USH2A: variants seen among roughly 807,000 people sequenced by gnomAD.
USH2A encodes the protein Usher syndrome 2A (autosomal recessive, mild).
A neutral mutation model predicts 538.9 loss-of-function variants in USH2A; 443 were observed. The ratio of observed to expected loss-of-function variants is 0.82; its 90% CI spans 0.76 to 0.89. The LOEUF is 0.89. USH2A is among the 40% of genes least tolerant of loss of function. The probability of loss-of-function intolerance (pLI) is 0.00; values close to 1 mark genes in which losing one functional copy is unlikely to be tolerated. For missense variants in USH2A, 6,633 were observed against 6,324.8 expected (o/e 1.05, Z -1.65); for synonymous variants, 2,413 against 2,273.5 (o/e 1.06, Z -1.75).
At chr1:215,959,672 A>G (rs1327715398) in intron 37 of USH2A, among the ~76,000 whole-genome samples, 1 of 152,010 alleles carries the variant, frequency 6.6e-6, no homozygotes, top group Non-Finnish European at 1.5e-5. Flanking sequence ...CCCCACAGTA[A>G]TCCATATCTC....
chr1:216,201,011 CCCTTCCTT>C (rs1246221491), intron 16 of USH2A, among the ~76,000 whole-genome samples: 599 of 38,952 alleles, frequency 0.015, 15 homozygotes, highest in Middle Eastern at 0.038. Context: ...CTCCCTCCCT[CCCTTCCTT>C]CCTTCCTTCC....
chr1:215,825,054 A>G (rs1663117303), intron 47 of USH2A, among the ~76,000 whole-genome samples: 1 of 152,048 alleles, frequency 6.6e-6, no homozygotes, highest in South Asian at 2.1e-4. Flanking sequence ...TCATTTTGGA[A>G]CTGGAAGTTC....
At chr1:216,339,729 C>A (rs187304311) in intron 4 of USH2A, among the ~76,000 whole-genome samples, 23 of 151,880 alleles carry the variant, frequency 1.5e-4, no homozygotes, top group African/African-American at 1.7e-4. Flanking sequence ...TACTCCTGAA[C>A]GACTCCTGGG....
chr1:216,028,436 A>G (rs1669019738), intron 32 of USH2A, among the ~76,000 whole-genome samples: 1 of 152,072 alleles, frequency 6.6e-6, no homozygotes, highest in African/African-American at 2.4e-5. Context: ...ATATTCACAG[A>G]AGCTGGAATA....
intron 58 of USH2A, among the ~76,000 whole-genome samples, chr1:215,745,492 C>T (rs556577844): frequency 4.6e-5 from 7 of 152,296 alleles, no homozygotes; most frequent in African/African-American, 1.7e-4. Context: ...ACTAGAATGT[C>T]AACCGTATAA....
rs184627222 is a variant in USH2A, at chr1:216,046,260, T to C, written c.6325+171A>G. Among the ~76,000 whole-genome samples the C allele has an allele frequency of 5.3e-5, 8 of 152,284 alleles. No homozygotes were observed. In the East Asian group the frequency reaches 1.5e-3, roughly 29 times the overall value. On this transcript the variant is annotated intron_variant, in intron 32 of 71. Coordinates refer to ENST00000307340, the MANE Select transcript of USH2A (RefSeq NM_206933.4). The stretch of plus-strand genomic sequence containing the variant: ...GTAAATAGTTGTTATACTATGTTTT[T>C]AGAATTTATATTATTTTTAATTGTT...
chr1:215,953,435 G>A (rs113865993), intron 37 of USH2A, among the ~76,000 whole-genome samples: 4,839 of 152,008 alleles, frequency 0.032, 120 homozygotes, highest in South Asian at 0.083. Flanking sequence ...CTGATCTTTG[G>A]CAAACCTGAC....
Position 216,046,591 on chromosome 1 carries a change from G to C in USH2A, c.6165C>G (p.Ala2055=). 1 of 1,613,628 alleles carries C rather than the reference G, an allele frequency of 6.2e-7. No individual in the cohort carries two copies. Among genetic ancestry groups the C allele is most frequent in the Non-Finnish European group, 8.5e-7 (1 of 1,179,688 alleles). The change falls in exon 32 of 72, where the codon GCC becomes GCG. Residue 2055 remains alanine, a splice_region_variant and synonymous_variant. Coordinates refer to ENST00000307340, the MANE Select transcript of USH2A (RefSeq NM_206933.4). ...CTACTGGTGGCTGAACCTCTTGTGG[G>C]GCTGTGGAAGAAAAGATTTATAGAG... ...HALNISTPQE[A]PQEVQPPVAK... is the part of the protein sequence containing the mutation.
At chr1:215,726,814 T>C (rs2797214) in intron 61 of USH2A, among the ~76,000 whole-genome samples, 22,969 of 152,184 alleles carry the variant, frequency 0.15, 1,870 homozygotes, top group African/African-American at 0.16. Flanking sequence ...ACTTGGTATA[T>C]GATGTTACTC....
At chr1:216,386,541 C>CTATATATATATATATATATATA (rs66638535) in intron 3 of USH2A, among the ~76,000 whole-genome samples, 2 of 133,070 alleles carry the variant, frequency 1.5e-5, no homozygotes, top group African/African-American at 5.4e-5. Flanking sequence ...AACCAAAAAA[C>CTATATATATATATATATATATA]TATATATATA....
chr1:215,815,036 A>G (rs957235825), intron 48 of USH2A, among the ~76,000 whole-genome samples: 2 of 152,184 alleles, frequency 1.3e-5, no homozygotes, highest in Non-Finnish European at 2.9e-5. Flanking sequence ...TAAACCCGCA[A>G]TACAAGTCTC....
chr1:216,054,233 C>T (rs1204235844), intron 30 of USH2A, among the ~76,000 whole-genome samples: 1 of 152,214 alleles, frequency 6.6e-6, no homozygotes, highest in African/African-American at 2.4e-5. Context: ...ACTCCCACCA[C>T]GCCCCTTCCA....
At chr1:215,944,718 A>G (rs1165500368) in intron 37 of USH2A, among the ~76,000 whole-genome samples, 1 of 152,170 alleles carries the variant, frequency 6.6e-6, no homozygotes, top group Non-Finnish European at 1.5e-5. Context: ...CTGAAGAGTA[A>G]TTAATGTTGC....
chr1:215,918,148 T>C (rs1225009372), intron 38 of USH2A, among the ~76,000 whole-genome samples: 1 of 152,040 alleles, frequency 6.6e-6, no homozygotes, highest in African/African-American at 2.4e-5. Flanking sequence ...TCAGAGCAGA[T>C]TGGTTATAAA....
chr1:216,412,716 T>A (rs974528759), intron 3 of USH2A, among the ~76,000 whole-genome samples: 2 of 151,706 alleles, frequency 1.3e-5, no homozygotes, highest in Admixed American at 1.3e-4. Flanking sequence ...TGTGCCTTTT[T>A]TTTTTGGTTT....
At chr1:216,346,878 G>A (rs1174153375) in intron 4 of USH2A, among the ~76,000 whole-genome samples, 1 of 151,860 alleles carries the variant, frequency 6.6e-6, no homozygotes, top group Non-Finnish European at 1.5e-5. Flanking sequence ...TATATGTGCT[G>A]CATATGTGAT....
intron 61 of USH2A, among the ~76,000 whole-genome samples, chr1:215,709,815 A>G (rs1659287522): frequency 6.6e-6 from 1 of 152,246 alleles, no homozygotes; most frequent in Non-Finnish European, 1.5e-5. Context: ...AAATCATACT[A>G]AACCTGTATT....
intron 21 of USH2A, among the ~76,000 whole-genome samples, chr1:216,171,037 T>A (rs2034268415): frequency 6.6e-6 from 1 of 152,136 alleles, no homozygotes; most frequent in Non-Finnish European, 1.5e-5. Flanking sequence ...TAACATCTGA[T>A]ATGACCCAAT....
chr1:216,181,435 CT>C (rs2034492843), intron 20 of USH2A, among the ~76,000 whole-genome samples: 2 of 152,208 alleles, frequency 1.3e-5, no homozygotes, highest in South Asian at 4.2e-4. Context: ...CACCTTGTTC[CT>C]TTACCTTAGC....
Sources: allele counts gnomAD v4.1 joint callset (sites outside exome capture counted in the v4.1 genomes callset), GRCh38; gene constraint gnomAD v4.1.1; transcripts MANE v1.5; gene names NCBI Gene and HGNC (gene_info 2026-07-23, HGNC 2026-07-21).